The following SERPINA5 variants were observed in gnomAD, a reference collection of about 807,000 sequenced individuals.
The protein encoded by SERPINA5 is plasma serine protease inhibitor.
Under a neutral mutation model 25.3 loss-of-function variants are expected in SERPINA5, and 25 were observed. The observed-to-expected ratio is 0.99, with a 90% confidence interval of 0.72 to 1.38. The LOEUF is 1.38. SERPINA5 is among the 40% of genes most tolerant of loss of function. The pLI is 0.00. For synonymous variants in SERPINA5, 234 were observed against 206.2 expected (o/e 1.14, Z -1.16); for missense variants, 599 against 509.5 (o/e 1.18, Z -1.69).
In SERPINA5 at chr14:94,587,231, C is replaced by G. The variant is rs1885119942; in HGVS notation, c.-17-115C>G. 4.9e-6 allele frequency: 5 copies of G among 1,011,116 alleles called. No individual in the cohort carries two copies. The South Asian group carries it at 7.9e-5, about 16-fold the overall frequency. 62.6% of individuals were successfully genotyped at this position (1,011,116 alleles called of 1,614,324 possible). ...CAGTCTTGCGGGTGCCATCCCTTCTCTTTGAAGCTGAATGGACCAAACATA... is the reference window on the plus strand; with the variant it reads ...CAGTCTTGCGGGTGCCATCCCTTCTGTTTGAAGCTGAATGGACCAAACATA... On this transcript the variant is annotated intron_variant, in intron 2 of 5. Transcript: ENST00000329597.
In SERPINA5 at chr14:94,587,480, G is replaced by A. The variant is rs1042854368; in HGVS notation, c.118G>A (p.Val40Met). 4 of 1,614,078 alleles carry A rather than the reference G, an allele frequency of 2.5e-6. No homozygotes were observed. Among genetic ancestry groups the A allele is most frequent in the Non-Finnish European group, 3.4e-6 (4 of 1,180,046 alleles). Reference sequence around the variant, plus strand: ...CGAGGACCTCCATGTAGGTGCCACGGTGGCCCCCAGCAGCAGAAGGGACTT... The same window carrying A: ...CGAGGACCTCCATGTAGGTGCCACGATGGCCCCCAGCAGCAGAAGGGACTT... ...RVEDLHVGAT[V>M]APSSRRDFTF... Residue 40 changes from valine (V) to methionine (M), a missense_variant, in exon 3 of 6, where the codon GTG (valine) becomes ATG (methionine). Physicochemically the swap from Val to Met is conservative, Grantham distance 21. Transcript: ENST00000329597.
At position 94,590,132 on chromosome 14, in the gene SERPINA5, C is replaced by T. The variant is rs762566558; in HGVS notation, c.711C>T (p.Ser237=). 17 of 1,614,016 alleles carry T rather than the reference C, an allele frequency of 1.1e-5. No individual in the cohort carries two copies. The highest frequency in any genetic ancestry group is 1.4e-5 in the Non-Finnish European group (17 of 1,180,010). ...SETVVRVPMM[S]REDQYHYLLD... The stretch of plus-strand genomic sequence containing the variant: ...CTGTGGTGCGGGTACCCATGATGAG[C>T]CGCGAGGATCAGTATCACTACCTCC... Residue 237 remains serine (S), a synonymous_variant, in exon 4 of 6, where the codon AGC becomes AGT. Transcript: ENST00000329597.
At chr14:94,589,751 G>A (rs1361288503) in intron 3 of SERPINA5, among the ~76,000 whole-genome samples, 2 of 152,166 alleles carry the variant, frequency 1.3e-5, no homozygotes, top group Admixed American at 6.5e-5. Flanking sequence ...TGAGTAAAAC[G>A]TTAGAGAATC....
rs117853140 is a variant in SERPINA5 at position 94,588,082 on chromosome 14, G to C, written c.619+101G>C. The C allele has an allele frequency of 7.5e-6, 11 of 1,461,480 alleles. No individual in the cohort carries two copies. In the East Asian group the frequency reaches 2.3e-4, roughly 30 times the overall value. 90.5% of individuals were successfully genotyped at this position (1,461,480 alleles called of 1,614,324 possible). On this transcript the variant is annotated intron_variant, in intron 3 of 5. Coordinates refer to ENST00000329597, the MANE Select transcript of SERPINA5 (RefSeq NM_000624.6). ...CACATACATAAAAGACGGGGAGTAC[G>C]TTAAGTTCTTTTGGGTGCCTGTTGA...
At chr14:94,582,787 G>A (rs1884954970) in intron 2 of SERPINA5, among the ~76,000 whole-genome samples, 1 of 152,222 alleles carries the variant, frequency 6.6e-6, no homozygotes, top group South Asian at 2.1e-4. Context: ...AATGACAAAT[G>A]CATATATAAA....
chr14:94,586,614 T>G (rs1885093619), intron 2 of SERPINA5, among the ~76,000 whole-genome samples: 1 of 152,164 alleles, frequency 6.6e-6, no homozygotes, highest in South Asian at 2.1e-4. Flanking sequence ...GTATTGAAGG[T>G]AAGGACTTCA....
rs116786719 is a variant in SERPINA5 at position 94,585,578 on chromosome 14, G to A, written c.-17-1768G>A. ...TGGAGTTTGGTTTTAATTGGGTCACGGGATGCTGTGACAGGCTGCCCCTGC... is the reference window on the plus strand; with the variant it reads ...TGGAGTTTGGTTTTAATTGGGTCACAGGATGCTGTGACAGGCTGCCCCTGC... On this transcript the variant is annotated intron_variant, in intron 2 of 5. Coordinates refer to ENST00000329597, the MANE Select transcript of SERPINA5 (RefSeq NM_000624.6). 3.4e-3 allele frequency among the ~76,000 whole-genome samples: 518 copies of A among 152,288 alleles called. 1 individual carries two copies. The highest frequency in any genetic ancestry group is 0.012 in the African/African-American group (478 of 41,544).
intron 3 of SERPINA5, among the ~76,000 whole-genome samples, chr14:94,589,217 T>A (rs2070000): frequency 0.073 from 11,041 of 152,078 alleles, 496 homozygotes; most frequent in Middle Eastern, 0.14. Flanking sequence ...GAGGCCGAGA[T>A]GGGCAGATCA....
rs527983793 is a variant in SERPINA5 at position 94,585,291 on chromosome 14, C to T, written c.-17-2055C>T. 2.6e-5 allele frequency among the ~76,000 whole-genome samples: 4 copies of T among 152,234 alleles called. No individual in the cohort carries two copies. The South Asian group carries it at 6.2e-4, about 24-fold the overall frequency. On this transcript the variant is annotated intron_variant, in intron 2 of 5. Transcript: ENST00000329597. Reference sequence around the variant, plus strand: ...TGCCTGAAAGAGGGTGCGGGCAATGCGCCCAACTGCTGTGGCTGCTGGGTT... The same window carrying T: ...TGCCTGAAAGAGGGTGCGGGCAATGTGCCCAACTGCTGTGGCTGCTGGGTT...
intron 3 of SERPINA5, among the ~76,000 whole-genome samples, chr14:94,589,050 TC>T (rs1217197693): frequency 2.0e-5 from 3 of 152,130 alleles, no homozygotes; most frequent in Non-Finnish European, 2.9e-5. Flanking sequence ...AGATTTCCTA[TC>T]CCCTGGTGCA....
At position 94,588,479 on chromosome 14, in the gene SERPINA5, G is replaced by A. The variant is rs556866524; in HGVS notation, c.619+498G>A. Among the ~76,000 whole-genome samples the A allele has an allele frequency of 7.4e-4, 112 of 152,216 alleles. 1 individual carries two copies. Among genetic ancestry groups the A allele is most frequent in the African/African-American group, 2.7e-3 (111 of 41,546 alleles). ...TCCTCCTGACTCCTCAGCAAGAGCTGACCTCTGCTTATCTCCCCGACACTC... is the reference window on the plus strand; with the variant it reads ...TCCTCCTGACTCCTCAGCAAGAGCTAACCTCTGCTTATCTCCCCGACACTC... On this transcript the variant is annotated intron_variant, in intron 3 of 5. Coordinates refer to ENST00000329597, the MANE Select transcript of SERPINA5 (RefSeq NM_000624.6).
intron 5 of SERPINA5, 94 bp downstream of exon 5, chr14:94,590,990 CACTCA>C: frequency 8.3e-7 from 1 of 1,207,392 alleles, no homozygotes; most frequent in South Asian, 1.6e-5. Context: ...CATTCCATTC[CACTCA>C]ACTCCACTCC....
At chr14:94,584,333 A>G (rs998941299) in intron 2 of SERPINA5, among the ~76,000 whole-genome samples, 5 of 152,210 alleles carry the variant, frequency 3.3e-5, no homozygotes, top group African/African-American at 1.2e-4. Context: ...AAGGTTAAAC[A>G]TAGTAATATT....
chr14:94,587,496 G>A lies in SERPINA5; in HGVS notation c.134G>A (p.Arg45Lys). Residue 45 changes from arginine (R) to lysine (K), a missense_variant, in exon 3 of 6, where the codon AGA becomes AAA. Transcript: ENST00000329597. ...GGTGCCACGGTGGCCCCCAGCAGCA[G>A]AAGGGACTTTACCTTTGACCTCTAC... is the stretch of plus-strand genomic sequence containing the variant. ...HVGATVAPSS[R>K]RDFTFDLYRA... The A allele has an allele frequency of 6.2e-7, 1 of 1,614,220 alleles. No individual in the cohort carries two copies. The highest frequency in any genetic ancestry group is 1.3e-5 in the African/African-American group (1 of 75,058).
rs1885125086 is a variant in SERPINA5 at position 94,587,383 on chromosome 14, G to A, written c.21G>A (p.Leu7=). 2 of 1,610,576 alleles carry A rather than the reference G, an allele frequency of 1.2e-6. No individual in the cohort carries two copies. Among genetic ancestry groups the A allele is most frequent in the South Asian group, 1.1e-5 (1 of 90,612 alleles). Residue 7 remains leucine, a synonymous_variant, in exon 3 of 6, where the codon TTG becomes TTA. Transcript: ENST00000329597. ...CCACCATGCAGCTCTTCCTCCTCTT[G>A]TGCCTGGTGCTTCTCAGCCCTCAGG... The part of the protein sequence containing the change: MQLFLL[L]CLVLLSPQGA...
Position 94,587,355 on chromosome 14 carries a change from C to G in SERPINA5, c.-8C>G. 3 of 1,593,584 alleles carry G rather than the reference C, an allele frequency of 1.9e-6. No individual in the cohort carries two copies. Among genetic ancestry groups the G allele is most frequent in the East Asian group, 4.5e-5 (2 of 44,750 alleles). On this transcript the variant is annotated 5_prime_UTR_variant, in exon 3 of 6. Coordinates refer to ENST00000329597, the MANE Select transcript of SERPINA5 (RefSeq NM_000624.6). ...CTTCTTTCCCTTTCAGAACAAAGAA[C>G]AGCCACCATGCAGCTCTTCCTCCTC... is the stretch of plus-strand genomic sequence containing the variant.
rs1322324936 is a variant in SERPINA5, at chr14:94,587,973, T to C, written c.611T>C (p.Phe204Ser). Reference protein sequence around the residue: ...NAVVIMVNYIFFKAKWETSFN... With the variant: ...NAVVIMVNYISFKAKWETSFN... Reference sequence around the variant, plus strand: ...GTCGTGATCATGGTGAATTACATCTTCTTTAAAGGTAAGGCCCTTGGGCCC... The same window carrying C: ...GTCGTGATCATGGTGAATTACATCTCCTTTAAAGGTAAGGCCCTTGGGCCC... The change falls in exon 3 of 6, where the codon TTC (phenylalanine) becomes TCC (serine). Residue 204 changes from phenylalanine to serine, a missense_variant. Phe to Ser is a radical substitution (Grantham distance 155, BLOSUM62 -2). Transcript: ENST00000329597. The C allele has an allele frequency of 6.2e-7, 1 of 1,613,172 alleles. No individual in the cohort carries two copies. The highest frequency in any genetic ancestry group is 8.5e-7 in the Non-Finnish European group (1 of 1,179,382).
intron 2 of SERPINA5, among the ~76,000 whole-genome samples, chr14:94,584,688 G>A (rs1595076662): frequency 6.6e-6 from 1 of 152,306 alleles, no homozygotes; most frequent in Admixed American, 6.5e-5. Flanking sequence ...GGGCCTCACT[G>A]AGACTCTCTG....
At chr14:94,585,799 GT>G (rs1372753318) in intron 2 of SERPINA5, among the ~76,000 whole-genome samples, 1 of 132,210 alleles carries the variant, frequency 7.6e-6, no homozygotes, top group East Asian at 2.2e-4. Flanking sequence ...GTGTGTGTGT[GT>G]GTGTAAAGCA....
Sources: gnomAD v4.1 joint callset for allele counts (sites outside exome capture counted in the v4.1 genomes callset) on GRCh38, gnomAD v4.1.1 for gene constraint, MANE v1.5 for transcripts, NCBI Gene and HGNC (gene_info 2026-07-23, HGNC 2026-07-21) for gene names.